The following SESN1 variants were observed in gnomAD, a reference collection of about 807,000 sequenced individuals.
The protein encoded by SESN1 is sestrin 1, also known as sestrin-1.
A neutral mutation model predicts 59.3 loss-of-function variants in SESN1; 30 were observed. That is an observed-to-expected ratio of 0.51 (90% CI 0.38 to 0.69). SESN1 has a LOEUF of 0.69. SESN1 is among the 30% of genes least tolerant of loss of function. The pLI is 0.00. For synonymous variants in SESN1, 197 were observed against 219.9 expected, an observed-to-expected ratio of 0.90 and a Z score of 0.92; for missense variants, 566 against 673.0, an observed-to-expected ratio of 0.84 and a Z score of 1.76.
In SESN1 at chr6:109,057,526, T is replaced by A. The variant is rs563074011; in HGVS notation, c.279+36269A>T. ...ATTCCAGACTGACATACTCAACAAT[T>A]CCCAAAATTCAATTACTGTTTCTAA... On this transcript the variant is annotated intron_variant, in intron 1 of 9. Coordinates refer to ENST00000436639, the MANE Select transcript of SESN1 (RefSeq NM_014454.3). Among the ~76,000 whole-genome samples, 6 of 152,314 alleles carry A rather than the reference T, an allele frequency of 3.9e-5. No individual in the cohort carries two copies. The South Asian group carries it at 1.2e-3, about 32-fold the overall frequency.
intron 1 of SESN1, chr6:109,059,555 G>A (rs1780696450): frequency 6.6e-6 from 1 of 151,726 alleles, no homozygotes; most frequent in African/African-American, 2.4e-5. Context: ...CTTGTGCAGG[G>A]GCATGCTAAT....
chr6:108,990,862 G>C (rs1449600950), intron 7 of SESN1, 27 bp from the exon 8 acceptor site: 1 of 1,588,126 alleles, frequency 6.3e-7, no homozygotes, highest in Admixed American at 1.7e-5. Flanking sequence ...GAACAAATGT[G>C]AATAAATGTG....
chr6:108,996,559 TA>T (rs1779506157), intron 5 of SESN1, among the ~76,000 whole-genome samples: 1 of 152,140 alleles, frequency 6.6e-6, no homozygotes, highest in South Asian at 2.1e-4. Context: ...TAATTCTTGA[TA>T]AATTATATTG....
intron 1 of SESN1, among the ~76,000 whole-genome samples, chr6:109,092,638 T>C (rs1461056274): frequency 6.6e-6 from 1 of 152,122 alleles, no homozygotes; most frequent in African/African-American, 2.4e-5. Flanking sequence ...ACAACAATAG[T>C]TGATATGCAT....
chr6:109,001,769 T>A (rs1779630587), intron 2 of SESN1, among the ~76,000 whole-genome samples: 1 of 152,180 alleles, frequency 6.6e-6, no homozygotes, highest in African/African-American at 2.4e-5. Flanking sequence ...AGATTTAGAT[T>A]ATCAAATTTG....
chr6:108,994,696 ATCT>A, intron 5 of SESN1, 87 bp from the exon 6 acceptor site: 20 of 628,514 alleles, frequency 3.2e-5, no homozygotes, highest in Non-Finnish European at 4.1e-5. Context: ...AAGAATTTAT[ATCT>A]TTTTTTTTTT....
chr6:109,027,467 A>G (rs1780113713), intron 1 of SESN1, among the ~76,000 whole-genome samples: 2 of 118,760 alleles, frequency 1.7e-5, no homozygotes, highest in African/African-American at 6.8e-5. Context: ...ACAGAGGGAG[A>G]CTCTGTCTCA....
chr6:108,994,140 T>TAAA (rs764125940), intron 6 of SESN1, among the ~76,000 whole-genome samples: 14 of 100,260 alleles, frequency 1.4e-4, no homozygotes, highest in African/African-American at 3.0e-4. Flanking sequence ...CCCTGTTTCT[T>TAAA]AAAAAAAAAA....
intron 1 of SESN1, among the ~76,000 whole-genome samples, chr6:109,021,678 G>C (rs1388163268): frequency 1.3e-5 from 2 of 151,960 alleles, no homozygotes; most frequent in African/African-American, 2.4e-5. Context: ...CTGACCTCAA[G>C]TGATCCGCCC....
chr6:108,999,591 T>G (rs1230343444), intron 4 of SESN1, among the ~76,000 whole-genome samples: 4 of 152,146 alleles, frequency 2.6e-5, no homozygotes, highest in African/African-American at 4.8e-5. Flanking sequence ...CACTTCACAC[T>G]TATCAGAATG....
chr6:109,084,097 T>C (rs1781168840), intron 1 of SESN1, among the ~76,000 whole-genome samples: 1 of 152,212 alleles, frequency 6.6e-6, no homozygotes, highest in African/African-American at 2.4e-5. Context: ...TATATATTTG[T>C]CAGTTTGTCA....
intron 1 of SESN1, among the ~76,000 whole-genome samples, chr6:109,092,091 C>A (rs1781324449): frequency 6.6e-6 from 1 of 152,274 alleles, no homozygotes; most frequent in Middle Eastern, 3.4e-3. Context: ...CTATAGGGAA[C>A]CTTCCCAGGA....
Position 109,040,962 on chromosome 6 carries a change from T to A in SESN1, c.280-38619A>T, listed in dbSNP as rs535343864. On this transcript the variant is annotated intron_variant, in intron 1 of 9. Transcript: ENST00000436639. Reference sequence around the variant, plus strand: ...CCACCGCACCTGGCCCAAACTAGCATAAATTTTTAAAATAACATACCCTCA... The same window carrying A: ...CCACCGCACCTGGCCCAAACTAGCAAAAATTTTTAAAATAACATACCCTCA... Among the ~76,000 whole-genome samples the A allele has an allele frequency of 9.8e-4, 148 of 151,480 alleles. 1 individual carries two copies. The highest frequency in any genetic ancestry group is 3.3e-3 in the African/African-American group (135 of 41,354).
chr6:109,001,559 C>T, intron 2 of SESN1, 71 bp from the exon 3 acceptor site: 1 of 1,295,992 alleles, frequency 7.7e-7, no homozygotes, highest in Non-Finnish European at 1.1e-6. Flanking sequence ...TATACATGCG[C>T]TACACTCTAA....
intron 1 of SESN1, among the ~76,000 whole-genome samples, chr6:109,074,115 C>G (rs946542086): frequency 2.0e-5 from 3 of 152,178 alleles, no homozygotes; most frequent in Non-Finnish European, 2.9e-5. Flanking sequence ...CTATTCATTA[C>G]AGTAATGTGC....
intron 1 of SESN1, among the ~76,000 whole-genome samples, chr6:109,004,789 T>C (rs1255436813): frequency 1.3e-5 from 2 of 152,088 alleles, no homozygotes; most frequent in Non-Finnish European, 2.9e-5. Flanking sequence ...ATACAAATGG[T>C]TGAAAAATGC....
chr6:109,034,038 G>A (rs1377500471), intron 1 of SESN1, among the ~76,000 whole-genome samples: 1 of 152,194 alleles, frequency 6.6e-6, no homozygotes, highest in Non-Finnish European at 1.5e-5. Flanking sequence ...GTCTTAGAGA[G>A]CCACAGGATT....
rs1583254305 is a variant in SESN1 at position 108,987,234 on chromosome 6, C to T, written c.*310G>A. 8.3e-6 allele frequency: 2 copies of T among 241,642 alleles called. No individual in the cohort carries two copies. The highest frequency in any genetic ancestry group is 1.6e-4 in the East Asian group (2 of 12,182). 15.0% of individuals were successfully genotyped at this position (241,642 alleles called of 1,614,324 possible). ...CTCCAATTCTTGTTATCTTATTTAA[C>T]ATAAAAGCAACAGGATTTGGAGAGT... On this transcript the variant is annotated 3_prime_UTR_variant, in exon 10 of 10. Transcript: ENST00000436639.
intron 1 of SESN1, among the ~76,000 whole-genome samples, chr6:109,011,481 C>A (rs950153728): frequency 6.6e-6 from 1 of 152,120 alleles, no homozygotes; most frequent in Admixed American, 6.5e-5. Context: ...TAAAGACTGA[C>A]CTAAATTCCT....
Sources: gnomAD v4.1 joint callset for allele counts (sites outside exome capture counted in the v4.1 genomes callset) on GRCh38, gnomAD v4.1.1 for gene constraint, MANE v1.5 for transcripts, NCBI Gene and HGNC (gene_info 2026-07-23, HGNC 2026-07-21) for gene names.